Variants in GNG7 observed in about 807,000 individuals in gnomAD.
GNG7 encodes G protein subunit gamma 7.
A neutral mutation model predicts 4.0 loss-of-function variants in GNG7; 1 was observed. The observed-to-expected ratio is 0.25, with a 90% CI of 0.09 to 1.18. The LOEUF (loss-of-function observed/expected upper bound fraction) is 1.18. Ranked by LOEUF, GNG7 falls within the 50% of genes most tolerant of loss-of-function variation. GNG7 has a pLI of 0.50. For missense variants in GNG7, 86 were observed against 91.9 expected, an observed-to-expected ratio of 0.94 and a Z score of 0.26; for synonymous variants, 34 against 36.9, an observed-to-expected ratio of 0.92 and a Z score of 0.29.
chr19:2,616,923 C>T (rs1003001379), intron 2 of GNG7, among the ~76,000 whole-genome samples: 1 of 152,092 alleles, frequency 6.6e-6, no homozygotes, highest in Non-Finnish European at 1.5e-5. Flanking sequence ...TCTGGGGTCA[C>T]GGGATAAGTG....
rs8102090 is a variant in GNG7, at chr19:2,512,373, T to G, written c.*2649A>C. On this transcript the variant is annotated 3_prime_UTR_variant, in exon 5 of 5. Coordinates refer to ENST00000382159, the MANE Select transcript of GNG7 (RefSeq NM_052847.3). This position sits in a 1 kb window ranked among gnomAD's most constrained non-coding sequence, Gnocchi z 4.7. ...CTCAAGAAAAAAAAAAGTGGAGAATTTTTTTTTTAATCCCCCAAGCTAGAA... is the reference window on the plus strand; with the variant it reads ...CTCAAGAAAAAAAAAAGTGGAGAATGTTTTTTTTAATCCCCCAAGCTAGAA... 0.13 allele frequency: 126,168 copies of G among 983,312 alleles called. 8,947 individuals are homozygous for G. Among genetic ancestry groups the G allele is most frequent in the African/African-American group, 0.27 (15,303 of 57,024 alleles). 60.9% of individuals were successfully genotyped at this position (983,312 alleles called of 1,614,324 possible).
At chr19:2,518,049 C>T (rs967077291) in intron 4 of GNG7, among the ~76,000 whole-genome samples, 11 of 152,220 alleles carry the variant, frequency 7.2e-5, no homozygotes, top group African/African-American at 1.9e-4. Flanking sequence ...CAGAAATAGC[C>T]TCCAGACCCC....
At chr19:2,677,446 C>T (rs1983622976) in intron 1 of GNG7, among the ~76,000 whole-genome samples, 2 of 151,688 alleles carry the variant, frequency 1.3e-5, no homozygotes, top group Admixed American at 1.3e-4. Context: ...ACAACCCCAC[C>T]CCAGAGAACG....
intron 2 of GNG7, among the ~76,000 whole-genome samples, chr19:2,597,709 A>G (rs1981065344): frequency 6.6e-6 from 1 of 151,108 alleles, no homozygotes; most frequent in Non-Finnish European, 1.5e-5. Context: ...ATCCTGGCTA[A>G]CACGGTGAAA....
At position 2,578,919 on chromosome 19, in the gene GNG7, A is replaced by T. The variant is rs565046100; in HGVS notation, c.-77-23731T>A. Among the ~76,000 whole-genome samples, 14 of 152,274 alleles carry T rather than the reference A, an allele frequency of 9.2e-5. No individual in the cohort carries two copies. The South Asian group carries it at 2.9e-3, about 32-fold the overall frequency. On this transcript the variant is annotated intron_variant, in intron 2 of 4. Transcript: ENST00000382159. ...GCCCCCCAGGGGCCGAGCTGTGGGG[A>T]TGTGGATCCCAGACTGACCCCGGCA...
chr19:2,669,096 G>A (rs1478009117), intron 1 of GNG7, among the ~76,000 whole-genome samples: 2 of 152,178 alleles, frequency 1.3e-5, no homozygotes, highest in East Asian at 1.9e-4. Context: ...CACCCTAGGA[G>A]TAAGTCTCAA....
chr19:2,672,984 C>T lies in GNG7; in HGVS notation c.-134-26704G>A, dbSNP rs566555904. On this transcript the variant is annotated intron_variant, in intron 1 of 4. Coordinates refer to ENST00000382159, the MANE Select transcript of GNG7 (RefSeq NM_052847.3). ...TCAAAACCACTAGGTTGGCCGGGTG[C>T]GGTGGTTCATGCCTGTAATCCCAGC... Among the ~76,000 whole-genome samples, 475 of 151,662 alleles carry T rather than the reference C, an allele frequency of 3.1e-3. 2 individuals are homozygous for T. Among genetic ancestry groups the T allele is most frequent in the African/African-American group, 0.011 (451 of 41,436 alleles).
At chr19:2,586,625 T>A (rs576048969) in intron 2 of GNG7, among the ~76,000 whole-genome samples, 5 of 152,158 alleles carry the variant, frequency 3.3e-5, no homozygotes, top group African/African-American at 1.2e-4. Context: ...AAGGTAGAAT[T>A]TACACACACG....
At chr19:2,583,870 G>A (rs1980569297) in intron 2 of GNG7, among the ~76,000 whole-genome samples, 1 of 152,050 alleles carries the variant, frequency 6.6e-6, no homozygotes, top group Non-Finnish European at 1.5e-5. Context: ...TGATAATGTG[G>A]AAAGATTCCC....
At chr19:2,541,163 C>T (rs1039764433) in intron 3 of GNG7, among the ~76,000 whole-genome samples, 3 of 152,222 alleles carry the variant, frequency 2.0e-5, no homozygotes, top group African/African-American at 7.2e-5. Context: ...CTGAGTCCCC[C>T]AGACCCTGTT....
At chr19:2,689,533 G>C (rs898510464) in intron 1 of GNG7, among the ~76,000 whole-genome samples, 9 of 148,072 alleles carry the variant, frequency 6.1e-5, no homozygotes, top group African/African-American at 2.3e-4. Flanking sequence ...TAAGGCAGGA[G>C]GATCACTTGA....
At chr19:2,587,470 A>G (rs1441672508) in intron 2 of GNG7, among the ~76,000 whole-genome samples, 1 of 152,078 alleles carries the variant, frequency 6.6e-6, no homozygotes, top group East Asian at 1.9e-4. Flanking sequence ...AGTTCCTGGG[A>G]CCCAAAGGAG....
rs1422146117 is a variant in GNG7, at chr19:2,653,676, C to T, written c.-134-7396G>A. 1.3e-5 allele frequency among the ~76,000 whole-genome samples: 2 copies of T among 152,174 alleles called. No individual in the cohort carries two copies. Among genetic ancestry groups the T allele is most frequent in the African/African-American group, 4.8e-5 (2 of 41,442 alleles). Reference sequence around the variant, plus strand: ...GAGCAGCGTCCCTGGCCTCCACCCACCCCATGCCAGGGGCATCCCCCATCT... The same window carrying T: ...GAGCAGCGTCCCTGGCCTCCACCCATCCCATGCCAGGGGCATCCCCCATCT... On this transcript the variant is annotated intron_variant, in intron 1 of 4. Coordinates refer to ENST00000382159, the MANE Select transcript of GNG7 (RefSeq NM_052847.3). This position sits in a 1 kb window ranked among gnomAD's most constrained non-coding sequence, Gnocchi z 4.8.
chr19:2,558,119 G>T (rs1352361894), intron 2 of GNG7, among the ~76,000 whole-genome samples: 1 of 152,018 alleles, frequency 6.6e-6, no homozygotes, highest in Non-Finnish European at 1.5e-5. Flanking sequence ...GGGATTACAG[G>T]CGTGAGCCAC....
chr19:2,588,230 G>A (rs894758529), intron 2 of GNG7, among the ~76,000 whole-genome samples: 1 of 152,176 alleles, frequency 6.6e-6, no homozygotes, highest in Non-Finnish European at 1.5e-5. Context: ...TGGTGGGGGC[G>A]TGAGAGGGTG....
At chr19:2,620,643 AG>A (rs1216479457) in intron 2 of GNG7, among the ~76,000 whole-genome samples, 3 of 152,166 alleles carry the variant, frequency 2.0e-5, no homozygotes, top group African/African-American at 7.2e-5. Context: ...AGAGGGACCT[AG>A]GGGTGAGCTT....
At chr19:2,518,386 C>T (rs1318076046) in intron 4 of GNG7, among the ~76,000 whole-genome samples, 2 of 152,232 alleles carry the variant, frequency 1.3e-5, no homozygotes, top group East Asian at 3.9e-4. Context: ...GGCTTTCTCT[C>T]TTTTCAGCCC....
chr19:2,699,251 T>C (rs1913342821), intron 1 of GNG7, among the ~76,000 whole-genome samples: 1 of 149,458 alleles, frequency 6.7e-6, no homozygotes, highest in Non-Finnish European at 1.5e-5. Flanking sequence ...TGGGTTCAGG[T>C]GATTCTCCTG....
Position 2,512,880 on chromosome 19 carries a change from C to T in GNG7, c.*2142G>A, listed in dbSNP as rs1034686603. ...GGAACAGGCTTTTGTCCCTTCCTGC[C>T]ATTCCTGCTATGCGTGGTGGGGACG... is the stretch of plus-strand genomic sequence containing the variant. On this transcript the variant is annotated 3_prime_UTR_variant, in exon 5 of 5. Transcript: ENST00000382159. This position sits in a 1 kb window ranked among gnomAD's most constrained non-coding sequence, Gnocchi z 4.7. 1.0e-6 allele frequency: 1 copy of T among 984,238 alleles called. No individual in the cohort carries two copies. The highest frequency in any genetic ancestry group is 1.2e-6 in the Non-Finnish European group (1 of 828,804). 61.0% of individuals were successfully genotyped at this position (984,238 alleles called of 1,614,324 possible). A position where few individuals can be genotyped will look rare whatever the true frequency, so the allele number is the denominator to read the frequency against.
Sources: allele counts gnomAD v4.1 joint callset (sites outside exome capture counted in the v4.1 genomes callset), GRCh38; gene constraint gnomAD v4.1.1; non-coding constraint Gnocchi (gnomAD v3.1); transcripts MANE v1.5; gene names NCBI Gene and HGNC (gene_info 2026-07-23, HGNC 2026-07-21).